Variants in RHEBL1 observed in about 807,000 individuals in gnomAD.
RHEBL1 encodes the protein GTPase RhebL1.
In RHEBL1, 22 loss-of-function variants were observed where a neutral mutation model predicts 27.4. The ratio of observed to expected loss-of-function variants is 0.80; its 90% CI spans 0.57 to 1.15. The LOEUF is 1.15. Ranked by LOEUF, RHEBL1 falls within the 50% of genes most tolerant of loss-of-function variation. RHEBL1 has a pLI of 0.00. For synonymous variants in RHEBL1, 85 were observed against 80.8 expected (o/e 1.05, Z -0.28); for missense variants, 186 against 226.5 (o/e 0.82, Z 1.15).
intron 6 of RHEBL1, 99 bp from the exon 7 acceptor site, chr12:49,065,530 T>G: frequency 1.0e-6 from 1 of 979,188 alleles, no homozygotes; most frequent in Non-Finnish European, 1.6e-6. Flanking sequence ...GCACAGTGGC[T>G]CATGCCTGTA....
In RHEBL1 at chr12:49,066,602, C is replaced by A; in HGVS notation, c.275+17G>T. 6.2e-7 allele frequency: 1 copy of A among 1,613,812 alleles called. No homozygotes were observed. ...CAGGTTCTCCCAAGTCCCGCACTCA[C>A]AACCTTGGTCACTTACCTATGCAGA... On this transcript the variant is annotated intron_variant, in intron 4 of 7. Coordinates refer to ENST00000301068, the MANE Select transcript of RHEBL1 (RefSeq NM_144593.3).
intron 1 of RHEBL1, 137 bp from the exon 2 acceptor site, chr12:49,069,243 C>A: frequency 6.9e-7 from 1 of 1,451,072 alleles, no homozygotes. Context: ...GCAATGCTAT[C>A]CTTTGTGTCT....
rs985680291 is a variant in RHEBL1, at chr12:49,064,851, A to C, written c.*252T>G. 2.9e-5 allele frequency: 15 copies of C among 520,856 alleles called. No homozygotes were observed. In the Admixed American group the frequency reaches 3.1e-4, roughly 11 times the overall value. 32.3% of individuals were successfully genotyped at this position (520,856 alleles called of 1,614,324 possible). A position where few individuals can be genotyped will look rare whatever the true frequency, so the allele number is the denominator to read the frequency against. On this transcript the variant is annotated 3_prime_UTR_variant, in exon 8 of 8. Transcript: ENST00000301068. The stretch of plus-strand genomic sequence containing the variant: ...TCATATCCTGACCCCATAGGTTATA[A>C]CAGAATTCATCAAACAAAAACAGAG...
intron 2 of RHEBL1, 43 bp from the exon 3 acceptor site, chr12:49,067,078 C>A: frequency 3.7e-6 from 5 of 1,340,458 alleles, no homozygotes; most frequent in Non-Finnish European, 5.3e-6. Context: ...CCTTATAGGA[C>A]CAGCGATGTA....
chr12:49,064,993 C>T lies in RHEBL1; in HGVS notation c.*110G>A. The T allele has an allele frequency of 2.6e-6, 2 of 778,086 alleles. No individual in the cohort carries two copies. The highest frequency in any genetic ancestry group is 4.5e-6 in the Non-Finnish European group (2 of 445,072). 48.2% of individuals were successfully genotyped at this position (778,086 alleles called of 1,614,324 possible). A position where few individuals can be genotyped will look rare whatever the true frequency, so the allele number is the denominator to read the frequency against. On this transcript the variant is annotated 3_prime_UTR_variant, in exon 8 of 8. Coordinates refer to ENST00000301068, the MANE Select transcript of RHEBL1 (RefSeq NM_144593.3). Reference sequence around the variant, plus strand: ...GGATGCCACACTGTGTGTCCAGGGGCCAGGAACACAGCTGGCAACCATACC... The same window carrying T: ...GGATGCCACACTGTGTGTCCAGGGGTCAGGAACACAGCTGGCAACCATACC...
At chr12:49,068,951 G>T in intron 2 of RHEBL1, 84 bp downstream of exon 2, 2 of 1,408,732 alleles carry the variant, frequency 1.4e-6, no homozygotes, top group Non-Finnish European at 1.9e-6. Context: ...CTTGGCACCA[G>T]AGAAATAAAT....
chr12:49,065,906 C>T (rs539530678), intron 6 of RHEBL1, among the ~76,000 whole-genome samples: 97 of 148,986 alleles, frequency 6.5e-4, no homozygotes, highest in Non-Finnish European at 9.8e-4. Context: ...GCCTGGGCAA[C>T]AGAGCAAGAC....
Position 49,069,940 on chromosome 12 carries a change from C to T in RHEBL1, c.-155G>A, listed in dbSNP as rs1219291448. On this transcript the variant is annotated 5_prime_UTR_variant, in exon 1 of 8. Coordinates refer to ENST00000301068, the MANE Select transcript of RHEBL1 (RefSeq NM_144593.3). Reference sequence around the variant, plus strand: ...GAAGGAAACCAAAACAAGCGCCGCGCCCGGAGCTGCCCACGTGATCACAAC... The same window carrying T: ...GAAGGAAACCAAAACAAGCGCCGCGTCCGGAGCTGCCCACGTGATCACAAC... 1 of 657,982 alleles carries T rather than the reference C, an allele frequency of 1.5e-6. No individual in the cohort carries two copies. Among genetic ancestry groups the T allele is most frequent in the Non-Finnish European group, 2.7e-6 (1 of 368,370 alleles). 40.8% of individuals were successfully genotyped at this position (657,982 alleles called of 1,614,324 possible). A position where few individuals can be genotyped will look rare whatever the true frequency, so the allele number is the denominator to read the frequency against.
chr12:49,066,338 A>C, intron 5 of RHEBL1, 60 bp from the exon 6 acceptor site: 1 of 1,578,320 alleles, frequency 6.3e-7, no homozygotes. Context: ...CCAACTCCTT[A>C]CATCAAGGCT....
chr12:49,066,788 T>C (rs933242582), intron 3 of RHEBL1, 87 bp from the exon 4 acceptor site: 1 of 1,280,306 alleles, frequency 7.8e-7, no homozygotes, highest in Admixed American at 1.7e-5. Context: ...TGACCCTCCC[T>C]GGGGCACGCC....
chr12:49,067,937 T>G (rs2120762421), intron 2 of RHEBL1, among the ~76,000 whole-genome samples: 1 of 152,292 alleles, frequency 6.6e-6, no homozygotes, highest in African/African-American at 2.4e-5. Context: ...TTGGCTTTTC[T>G]TTATGCTAGA....
At chr12:49,065,554 G>C in intron 6 of RHEBL1, 123 bp from the exon 7 acceptor site, 1 of 756,528 alleles carries the variant, frequency 1.3e-6, no homozygotes, top group Non-Finnish European at 2.3e-6. Context: ...CAGCACTTTG[G>C]GAGGCCGAGG....
intron 2 of RHEBL1, among the ~76,000 whole-genome samples, chr12:49,068,301 T>G (rs914941372): frequency 6.6e-6 from 1 of 152,042 alleles, no homozygotes; most frequent in Non-Finnish European, 1.5e-5. Flanking sequence ...GGCTAATTTT[T>G]TGTATTTTTA....
intron 1 of RHEBL1, 77 bp downstream of exon 1, chr12:49,069,657 G>A (rs1939056143): frequency 7.8e-7 from 1 of 1,282,056 alleles, no homozygotes. Context: ...TCCTCCCTGG[G>A]TCGCGTTCCC....
chr12:49,066,263 T>C lies in RHEBL1; in HGVS notation c.348A>G (p.Leu116=). ...GAGAGAGATCTGCCTTGTTCCCCAC[T>C]AGAACCACTGGCACCCTGTGAGGAA... ...GHGKTRVPVV[L]VGNKADLSPE... The change falls in exon 6 of 8, where the codon CTA becomes CTG. Residue 116 remains leucine, a synonymous_variant. Coordinates refer to ENST00000301068, the MANE Select transcript of RHEBL1 (RefSeq NM_144593.3). The C allele has an allele frequency of 6.2e-7, 1 of 1,613,954 alleles. No individual in the cohort carries two copies. Among genetic ancestry groups the C allele is most frequent in the Non-Finnish European group, 8.5e-7 (1 of 1,179,876 alleles).
intron 2 of RHEBL1, 43 bp from the exon 3 acceptor site, chr12:49,067,078 C>T: frequency 7.5e-7 from 1 of 1,340,458 alleles, no homozygotes; most frequent in Non-Finnish European, 1.1e-6. Flanking sequence ...CCTTATAGGA[C>T]CAGCGATGTA....
intron 6 of RHEBL1, among the ~76,000 whole-genome samples, chr12:49,065,705 C>T (rs747062379): frequency 4.3e-4 from 66 of 152,162 alleles, no homozygotes; most frequent in Non-Finnish European, 8.4e-4. Flanking sequence ...GCGGGTGGAT[C>T]ACAAGGTCAG....
chr12:49,067,110 T>G, intron 2 of RHEBL1, 75 bp from the exon 3 acceptor site: 1 of 1,055,338 alleles, frequency 9.5e-7, no homozygotes, highest in Non-Finnish European at 1.4e-6. Context: ...TTTTTTTTTT[T>G]TTTTTTTTTG....
At chr12:49,068,919 T>C (rs1939041513) in intron 2 of RHEBL1, 116 bp downstream of exon 2, 3 of 1,068,264 alleles carry the variant, frequency 2.8e-6, no homozygotes, top group Non-Finnish European at 4.1e-6. Context: ...AAATCAGATG[T>C]AATGTCTAAA....
Sources: allele counts gnomAD v4.1 joint callset (sites outside exome capture counted in the v4.1 genomes callset), GRCh38; gene constraint gnomAD v4.1.1; transcripts MANE v1.5; gene names NCBI Gene and HGNC (gene_info 2026-07-23, HGNC 2026-07-21).